Variants in NSMAF observed in about 807,000 individuals in gnomAD.
NSMAF encodes the protein protein FAN.
In NSMAF, 90 loss-of-function variants were observed where a neutral mutation model predicts 134.9. The observed-to-expected ratio is 0.67, with a 90% CI of 0.56 to 0.79. NSMAF has a LOEUF of 0.79. Ranked by LOEUF, NSMAF falls within the 30% of genes least tolerant of loss-of-function variation. The pLI is 0.00. For synonymous variants in NSMAF, 358 were observed against 389.6 expected (o/e 0.92, Z 0.96); for missense variants, 1,010 against 1,119.0 (o/e 0.90, Z 1.39).
intron 9 of NSMAF, among the ~76,000 whole-genome samples, chr8:58,620,397 G>A (rs184531140): frequency 6.6e-6 from 1 of 152,312 alleles, no homozygotes; most frequent in African/African-American, 2.4e-5. Flanking sequence ...CAGAATTCAA[G>A]ATGCATCATC....
At position 58,602,136 on chromosome 8, in the gene NSMAF, A is replaced by T. The variant is rs745718857; in HGVS notation, c.1047T>A (p.Asp349Glu). The T allele has an allele frequency of 1.7e-5, 27 of 1,610,314 alleles. No homozygotes were observed. The East Asian group carries it at 5.8e-4, about 35-fold the overall frequency. Residue 349 changes from aspartate to glutamate, a missense_variant and splice_region_variant, in exon 14 of 31, where the codon GAT becomes GAA. Coordinates refer to ENST00000038176, the MANE Select transcript of NSMAF (RefSeq NM_003580.4). Reference protein sequence around the residue: ...IIHDYSSSELDLSNPGTFRDL... With the variant: ...IIHDYSSSELELSNPGTFRDL... ...CCCGGAAGGTTCCTGGATTTGACAA[A>T]TCTATAAACATAAATCAATAAATAA... is the stretch of plus-strand genomic sequence containing the variant.
rs1441954483 is a variant in NSMAF at position 58,623,797 on chromosome 8, G to A, written c.385-17C>T. On this transcript the variant is annotated splice_polypyrimidine_tract_variant and intron_variant, in intron 6 of 30. Coordinates refer to ENST00000038176, the MANE Select transcript of NSMAF (RefSeq NM_003580.4). ...CATTTTGCCCTAACAAAAAGGGGAA[G>A]ATATCAAAATACAGGAAGAGAAGAA... 2.5e-6 allele frequency: 4 copies of A among 1,600,324 alleles called. No homozygotes were observed. Among genetic ancestry groups the A allele is most frequent in the Non-Finnish European group, 3.4e-6 (4 of 1,167,762 alleles).
Position 58,641,616 on chromosome 8 carries a change from T to C in NSMAF, c.149+1368A>G, listed in dbSNP as rs113439667. Among the ~76,000 whole-genome samples the C allele has an allele frequency of 3.2e-3, 489 of 152,344 alleles. 1 individual carries two copies. Among genetic ancestry groups the C allele is most frequent in the African/African-American group, 0.011 (464 of 41,574 alleles). ...CTTGTTGAACCTGCATAGTACTCCA[T>C]CATGTGGCCATTTCTTATCAGTCAG... On this transcript the variant is annotated intron_variant, in intron 2 of 30. Transcript: ENST00000038176.
intron 2 of NSMAF, among the ~76,000 whole-genome samples, chr8:58,638,943 G>A (rs1807265111): frequency 6.6e-6 from 1 of 152,060 alleles, no homozygotes; most frequent in South Asian, 2.1e-4. Context: ...AAAACAAATA[G>A]CCTATTAAAA....
chr8:58,587,504 T>A (rs1805912605), intron 27 of NSMAF, 114 bp downstream of exon 27: 1 of 713,082 alleles, frequency 1.4e-6, no homozygotes, highest in African/African-American at 1.8e-5. Context: ...TAGCCTATAA[T>A]CTTCCATTAA....
chr8:58,588,482 G>A (rs571046109), intron 26 of NSMAF: 15 of 1,177,474 alleles, frequency 1.3e-5, no homozygotes, highest in Non-Finnish European at 1.8e-5. Flanking sequence ...GGGGGTGTTC[G>A]GTCCTTGCAG....
intron 9 of NSMAF, among the ~76,000 whole-genome samples, chr8:58,613,955 G>T (rs937649649): frequency 1.3e-5 from 2 of 152,136 alleles, no homozygotes; most frequent in South Asian, 4.1e-4. Context: ...GACTTAAAAT[G>T]TTTGAATTAG....
intron 10 of NSMAF, among the ~76,000 whole-genome samples, chr8:58,609,223 T>C (rs1159151761): frequency 6.6e-6 from 1 of 152,240 alleles, no homozygotes; most frequent in East Asian, 1.9e-4. Context: ...TCTGTGTATA[T>C]ATAAGCAAAT....
intron 2 of NSMAF, among the ~76,000 whole-genome samples, chr8:58,642,441 T>C (rs746269547): frequency 6.6e-6 from 1 of 152,240 alleles, no homozygotes; most frequent in East Asian, 1.9e-4. Flanking sequence ...GTAATAGTTA[T>C]TAAGATACTG....
intron 26 of NSMAF, chr8:58,588,726 C>T (rs1805952374): frequency 9.4e-6 from 14 of 1,493,384 alleles, no homozygotes; most frequent in African/African-American, 1.4e-5. Flanking sequence ...GGCCGCGGCC[C>T]TTTTTGGCAC....
intron 23 of NSMAF, among the ~76,000 whole-genome samples, chr8:58,591,772 T>C (rs1806028332): frequency 6.6e-6 from 1 of 151,916 alleles, no homozygotes; most frequent in Non-Finnish European, 1.5e-5. Context: ...CAGGTGTGAG[T>C]AACTGTGCCC....
chr8:58,654,725 T>C (rs1187344711), intron 1 of NSMAF, among the ~76,000 whole-genome samples: 1 of 152,196 alleles, frequency 6.6e-6, no homozygotes, highest in African/African-American at 2.4e-5. Flanking sequence ...TGGAAATCTG[T>C]GGAACTTACA....
chr8:58,598,033 C>G (rs1229921821), intron 19 of NSMAF, 131 bp from the exon 20 acceptor site: 1 of 662,404 alleles, frequency 1.5e-6, no homozygotes, highest in South Asian at 2.0e-5. Context: ...GCAAAACAGA[C>G]TAATATCCAA....
intron 1 of NSMAF, among the ~76,000 whole-genome samples, chr8:58,654,921 G>A (rs751721425): frequency 2.6e-5 from 4 of 152,120 alleles, no homozygotes; most frequent in Non-Finnish European, 4.4e-5. Flanking sequence ...TGCAACCTCT[G>A]CCTCCCAAGT....
Position 58,597,380 on chromosome 8 carries a change from A to C in NSMAF, c.1792+7T>G. ...GTGCTCACGTTTATTCTCTTTACAA[A>C]ATTTACCTGGGGAATCTGCCATAGA... On this transcript the variant is annotated splice_region_variant and intron_variant, in intron 21 of 30. Transcript: ENST00000038176. 6.2e-7 allele frequency: 1 copy of C among 1,612,132 alleles called. No individual in the cohort carries two copies. Among genetic ancestry groups the C allele is most frequent in the South Asian group, 1.1e-5 (1 of 90,802 alleles).
intron 10 of NSMAF, 71 bp from the exon 11 acceptor site, chr8:58,607,911 A>G (rs1806445294): frequency 8.1e-7 from 1 of 1,227,792 alleles, no homozygotes; most frequent in Non-Finnish European, 1.2e-6. Context: ...ATAGTATCAG[A>G]AAGGGGAAAA....
At chr8:58,637,388 G>A (rs896985214) in intron 2 of NSMAF, 4 of 455,988 alleles carry the variant, frequency 8.8e-6, no homozygotes, top group Non-Finnish European at 1.8e-5. Flanking sequence ...TTATTTCTAG[G>A]CCTTTTCAAA....
In NSMAF at chr8:58,594,162, G is replaced by A. The variant is rs897260001; in HGVS notation, c.1951+70C>T. 1.4e-5 allele frequency: 19 copies of A among 1,359,216 alleles called. No homozygotes were observed. In the African/African-American group the frequency reaches 2.0e-4, roughly 14 times the overall value. 84.2% of individuals were successfully genotyped at this position (1,359,216 alleles called of 1,614,324 possible). A position where few individuals can be genotyped will look rare whatever the true frequency, so the allele number is the denominator to read the frequency against. On this transcript the variant is annotated intron_variant, in intron 23 of 30. Transcript: ENST00000038176. ...ACATGCAAGTGCAGTCCTTGACCAC[G>A]AGCTAAATAATAAAGAACTCAGACA...
chr8:58,607,858 C>T lies in NSMAF; in HGVS notation c.688-18G>A, dbSNP rs1806444303. 1.3e-6 allele frequency: 2 copies of T among 1,586,926 alleles called. No individual in the cohort carries two copies. The highest frequency in any genetic ancestry group is 1.7e-6 in the Non-Finnish European group (2 of 1,155,380). On this transcript the variant is annotated intron_variant, in intron 10 of 30. Coordinates refer to ENST00000038176, the MANE Select transcript of NSMAF (RefSeq NM_003580.4). ...ACAGGTTTCTTTAAAAGTAGAAAGA[C>T]AATCTCAAACATTATTGTTCTGACA...
Sources: allele counts gnomAD v4.1 joint callset (sites outside exome capture counted in the v4.1 genomes callset), GRCh38; gene constraint gnomAD v4.1.1; transcripts MANE v1.5; gene names NCBI Gene and HGNC (gene_info 2026-07-23, HGNC 2026-07-21).